Variants in DENND2A observed in about 807,000 individuals in gnomAD.
The protein encoded by DENND2A is DENN domain-containing protein 2A.
A neutral mutation model predicts 105.3 loss-of-function variants in DENND2A; 53 were observed. The observed-to-expected ratio is 0.50, with a 90% confidence interval of 0.40 to 0.63. The LOEUF is 0.63. Ranked by LOEUF, DENND2A falls within the 30% of genes least tolerant of loss-of-function variation. DENND2A has a pLI of 0.00. For synonymous variants in DENND2A, 522 were observed against 508.4 expected, an observed-to-expected ratio of 1.03 and a Z score of -0.36; for missense variants, 1,138 against 1,279.6, an observed-to-expected ratio of 0.89 and a Z score of 1.69.
chr7:140,580,686 G>C (rs1338461805), intron 5 of DENND2A, among the ~76,000 whole-genome samples: 2 of 151,926 alleles, frequency 1.3e-5, no homozygotes, highest in Non-Finnish European at 2.9e-5. Context: ...GCCCAGGCTG[G>C]AGTGTAGTGG....
At position 140,602,152 on chromosome 7, in the gene DENND2A, C is replaced by A; in HGVS notation, c.246G>T (p.Arg82Ser). Residue 82 changes from arginine (R) to serine (S), a missense_variant, in exon 3 of 20, where the codon AGG becomes AGT. By Grantham distance (110) the Arg-to-Ser change is moderately radical. Transcript: ENST00000496613. ...EDYLPSSTVERRSSDGVRTQV... is the reference protein window; with the variant it reads ...EDYLPSSTVESRSSDGVRTQV... ...GAGTTCTCACCCCATCACTACTCCT[C>A]CTCTCCACCGTAGAGGACGGCAGAT... 1 of 1,614,208 alleles carries A rather than the reference C, an allele frequency of 6.2e-7. No individual in the cohort carries two copies. The highest frequency in any genetic ancestry group is 1.1e-5 in the South Asian group (1 of 91,082).
At chr7:140,590,900 AG>A (rs1195687672) in intron 3 of DENND2A, among the ~76,000 whole-genome samples, 2 of 152,138 alleles carry the variant, frequency 1.3e-5, no homozygotes, top group Non-Finnish European at 2.9e-5. Context: ...AATAAAAAAA[AG>A]GTCAGCCATG....
chr7:140,556,814 C>T (rs1318539014), intron 11 of DENND2A, among the ~76,000 whole-genome samples: 2 of 152,134 alleles, frequency 1.3e-5, no homozygotes, highest in East Asian at 3.8e-4. Context: ...ATTTCAGAGA[C>T]TCAAGTATAT....
intron 11 of DENND2A, among the ~76,000 whole-genome samples, chr7:140,557,531 A>ATATATATATAT (rs1554467351): frequency 5.0e-5 from 2 of 39,648 alleles, no homozygotes; most frequent in South Asian, 1.4e-3. Flanking sequence ...ATATATATAT[A>ATATATATATAT]TTTTTTTTTT....
rs1797546642 is a variant in DENND2A at position 140,559,943 on chromosome 7, T to C, written c.1780-126A>G. 4.1e-6 allele frequency: 3 copies of C among 735,730 alleles called. No individual in the cohort carries two copies. Among genetic ancestry groups the C allele is most frequent in the South Asian group, 3.0e-5 (2 of 66,166 alleles). The allele number at this position is 735,730 out of a possible 1,614,324, so 45.6% of individuals were successfully genotyped here. Reference sequence around the variant, plus strand: ...TGACTGCCGCCTTAGCCTCTTCCCTTGGGAAGAGCTTGCAGCTCAGTCGGC... The same window carrying C: ...TGACTGCCGCCTTAGCCTCTTCCCTCGGGAAGAGCTTGCAGCTCAGTCGGC... On this transcript the variant is annotated intron_variant, in intron 9 of 19. Transcript: ENST00000496613. This position sits in a 1 kb window ranked among gnomAD's most constrained non-coding sequence, Gnocchi z 4.1.
chr7:140,592,468 C>T (rs1799097852), intron 3 of DENND2A, among the ~76,000 whole-genome samples: 1 of 152,126 alleles, frequency 6.6e-6, no homozygotes, highest in African/African-American at 2.4e-5. Flanking sequence ...ACCTCAGCCT[C>T]CCAAAGTGCT....
chr7:140,553,618 G>A (rs1310369938), intron 12 of DENND2A, among the ~76,000 whole-genome samples: 1 of 152,168 alleles, frequency 6.6e-6, no homozygotes, highest in African/African-American at 2.4e-5. Context: ...GACAATACCT[G>A]GCTTTCCTAG....
chr7:140,554,199 C>A (rs1394863289), intron 12 of DENND2A, among the ~76,000 whole-genome samples: 4 of 151,706 alleles, frequency 2.6e-5, no homozygotes, highest in African/African-American at 9.7e-5. Flanking sequence ...GCACTCCAGC[C>A]TGGCGACAGA....
At chr7:140,607,583 C>T (rs1459246428) in intron 1 of DENND2A, among the ~76,000 whole-genome samples, 2 of 152,180 alleles carry the variant, frequency 1.3e-5, no homozygotes, top group African/African-American at 2.4e-5. Context: ...TTGCCCATCC[C>T]GTCATGCAGG....
Position 140,559,538 on chromosome 7 carries a change from T to C in DENND2A, c.1889+170A>G, listed in dbSNP as rs547454283. Among the ~76,000 whole-genome samples the C allele has an allele frequency of 1.3e-5, 2 of 152,234 alleles. No homozygotes were observed. The highest frequency in any genetic ancestry group is 2.9e-5 in the Non-Finnish European group (2 of 68,020). ...CCGGGAGGTCTGCATGCTGGGCAGG[T>C]GACTTCACCTTCAGGGAAGCTTTAA... is the stretch of plus-strand genomic sequence containing the variant. On this transcript the variant is annotated intron_variant, in intron 10 of 19. Coordinates refer to ENST00000496613, the MANE Select transcript of DENND2A (RefSeq NM_015689.5). The surrounding 1 kb of genome is among the most constrained non-coding windows in gnomAD (Gnocchi z 4.1).
Position 140,519,577 on chromosome 7 carries a change from C to G in DENND2A, c.2998+55G>C. On this transcript the variant is annotated intron_variant, in intron 19 of 19. Transcript: ENST00000496613. Reference sequence around the variant, plus strand: ...CAGTGGAGGGAACCGGCTGGGACTCCGAGACAGACAGCTCAGAGGCACACA... The same window carrying G: ...CAGTGGAGGGAACCGGCTGGGACTCGGAGACAGACAGCTCAGAGGCACACA... The G allele has an allele frequency of 4.6e-6, 7 of 1,536,840 alleles. No homozygotes were observed. In the South Asian group the frequency reaches 7.9e-5, roughly 17 times the overall value.
intron 14 of DENND2A, among the ~76,000 whole-genome samples, chr7:140,541,436 G>A (rs1232016191): frequency 6.6e-6 from 1 of 152,132 alleles, no homozygotes; most frequent in Non-Finnish European, 1.5e-5. Flanking sequence ...CCTGGGGGGT[G>A]CTGGGTTTCC....
rs3043058 is a variant in DENND2A at position 140,566,684 on chromosome 7, A to ATTTTTTT, written c.1779+395_1779+401dup. Among the ~76,000 whole-genome samples the ATTTTTTT allele has an allele frequency of 2.2e-3, 250 of 113,154 alleles. 8 individuals are homozygous for ATTTTTTT. The highest frequency in any genetic ancestry group is 4.7e-3 in the African/African-American group (129 of 27,456). The allele number at this position is 113,154 out of a possible 152,430, so 74.2% of individuals were successfully genotyped here. A position where few individuals can be genotyped will look rare whatever the true frequency, so the allele number is the denominator to read the frequency against. On this transcript the variant is annotated intron_variant, in intron 9 of 19. Coordinates refer to ENST00000496613, the MANE Select transcript of DENND2A (RefSeq NM_015689.5). Reference sequence around the variant, plus strand: ...GTGAGAAAGCATTTCTGGCCATACTATTTTTTTTTTTTTTTTTTTTGAGAC... The same window carrying ATTTTTTT: ...GTGAGAAAGCATTTCTGGCCATACTATTTTTTTTTTTTTTTTTTTTTTTTTTTGAGAC...
rs779579970 is a variant in DENND2A, at chr7:140,546,942, GC to G, written c.2038-4del. The G allele has an allele frequency of 3.7e-5, 60 of 1,612,648 alleles. No individual in the cohort carries two copies. Among genetic ancestry groups the G allele is most frequent in the Non-Finnish European group, 4.8e-5 (57 of 1,179,074 alleles). On this transcript the variant is annotated splice_region_variant and splice_polypyrimidine_tract_variant and intron_variant, in intron 12 of 19. Transcript: ENST00000496613. ...CTTTTTTCCACCTCATCCAAGATCT[GC>G]AAGGGTCAGAAAAGCAGCTTAGCTA... is the stretch of plus-strand genomic sequence containing the variant.
intron 10 of DENND2A, among the ~76,000 whole-genome samples, chr7:140,558,420 G>A (rs568461894): frequency 7.0e-4 from 106 of 152,262 alleles, no homozygotes; most frequent in Admixed American, 2.9e-3. Flanking sequence ...ACTGGGCTGG[G>A]CACAGTGGCT....
intron 3 of DENND2A, among the ~76,000 whole-genome samples, chr7:140,591,923 TCCCTTCCCTCCCCTC>T (rs1466181038): frequency 1.4e-5 from 1 of 71,374 alleles, no homozygotes; most frequent in Non-Finnish European, 2.6e-5. Context: ...TCTCCTCCCT[TCCCTTCCCTCCCCTC>T]CCCTCCCCCC....
chr7:140,636,802 A>G (rs147089773), intron 1 of DENND2A, among the ~76,000 whole-genome samples: 138 of 146,362 alleles, frequency 9.4e-4, no homozygotes, highest in African/African-American at 2.9e-3. Flanking sequence ...TGATCCTCCC[A>G]CTTCAGTCTC....
intron 14 of DENND2A, among the ~76,000 whole-genome samples, chr7:140,529,450 T>C (rs895582992): frequency 1.3e-5 from 2 of 152,216 alleles, no homozygotes; most frequent in African/African-American, 2.4e-5. Flanking sequence ...ACTGGGTATA[T>C]ACCCAAAGGA....
At position 140,583,794 on chromosome 7, in the gene DENND2A, C is replaced by T. The variant is rs573635153; in HGVS notation, c.1245+1795G>A. 1.4e-3 allele frequency among the ~76,000 whole-genome samples: 215 copies of T among 148,990 alleles called. 2 individuals are homozygous for T. Among genetic ancestry groups the T allele is most frequent in the Non-Finnish European group, 2.3e-3 (154 of 67,962 alleles). On this transcript the variant is annotated intron_variant, in intron 5 of 19. Coordinates refer to ENST00000496613, the MANE Select transcript of DENND2A (RefSeq NM_015689.5). ...ACAAAAAATTAGCCAGGCGTGGTGGCGGGCGCCTGTAGTCCCAGCTACTCG... is the reference window on the plus strand; with the variant it reads ...ACAAAAAATTAGCCAGGCGTGGTGGTGGGCGCCTGTAGTCCCAGCTACTCG...
Sources: gnomAD v4.1 joint callset for allele counts (sites outside exome capture counted in the v4.1 genomes callset) on GRCh38, gnomAD v4.1.1 for gene constraint, Gnocchi (gnomAD v3.1) non-coding constraint, MANE v1.5 for transcripts, NCBI Gene and HGNC (gene_info 2026-07-23, HGNC 2026-07-21) for gene names.